Variants in SYT9 observed in about 807,000 individuals in gnomAD.
SYT9 encodes synaptotagmin 9.
In SYT9, 22 loss-of-function variants were observed where a neutral mutation model predicts 48.4. The observed-to-expected ratio is 0.45, with a 90% CI of 0.32 to 0.65. SYT9 has a LOEUF of 0.65. Ranked by LOEUF, SYT9 falls within the 30% of genes least tolerant of loss-of-function variation. SYT9 has a pLI of 0.03. For synonymous variants in SYT9, 265 were observed against 245.0 expected, an observed-to-expected ratio of 1.08 and a Z score of -0.76; for missense variants, 577 against 622.0, an observed-to-expected ratio of 0.93 and a Z score of 0.77.
At chr11:7,260,573 A>G (rs1000904919) in intron 1 of SYT9, among the ~76,000 whole-genome samples, 1 of 152,204 alleles carries the variant, frequency 6.6e-6, no homozygotes, top group Non-Finnish European at 1.5e-5. Flanking sequence ...TGAAAGAAGT[A>G]CAATTTATAT....
At position 7,359,688 on chromosome 11, in the gene SYT9, G is replaced by T. The variant is rs866579456; in HGVS notation, c.1044+45747G>T. On this transcript the variant is annotated intron_variant, in intron 3 of 6. Transcript: ENST00000318881. ...CTGTTCACGTCCTTCACCCACTTTT[G>T]GATGGGGTTGTTTGTTTTTTTCTTG... 7.3e-4 allele frequency among the ~76,000 whole-genome samples: 78 copies of T among 106,276 alleles called. 2 individuals are homozygous for T. Among genetic ancestry groups the T allele is most frequent in the African/African-American group, 1.8e-3 (59 of 33,510 alleles). The allele number at this position is 106,276 out of a possible 152,430, so 69.7% of individuals were successfully genotyped here.
chr11:7,458,635 G>A (rs1848192464), intron 6 of SYT9, among the ~76,000 whole-genome samples: 2 of 152,180 alleles, frequency 1.3e-5, no homozygotes, highest in Non-Finnish European at 2.9e-5. Flanking sequence ...ACTTGAAGGA[G>A]GTGAGGGAGC....
chr11:7,259,682 T>G (rs1045768915), intron 1 of SYT9, among the ~76,000 whole-genome samples: 1 of 152,152 alleles, frequency 6.6e-6, no homozygotes, highest in African/African-American at 2.4e-5. Context: ...CTTAAGTGAA[T>G]TTTTTGTGTT....
At chr11:7,353,899 A>G (rs1849966412) in intron 3 of SYT9, among the ~76,000 whole-genome samples, 1 of 152,228 alleles carries the variant, frequency 6.6e-6, no homozygotes, top group African/African-American at 2.4e-5. Flanking sequence ...AAAAACATAC[A>G]CAAAATTTTA....
intron 3 of SYT9, among the ~76,000 whole-genome samples, chr11:7,356,952 T>G (rs1238765178): frequency 6.6e-6 from 1 of 152,110 alleles, no homozygotes. Context: ...GATTGTTATT[T>G]AATTAAAATA....
At chr11:7,263,064 C>T (rs895410039) in intron 1 of SYT9, among the ~76,000 whole-genome samples, 2 of 152,030 alleles carry the variant, frequency 1.3e-5, no homozygotes, top group Admixed American at 6.6e-5. Context: ...GGGTACATTT[C>T]CCGAAAGTTC....
intron 3 of SYT9, among the ~76,000 whole-genome samples, chr11:7,397,349 G>A (rs1008639727): frequency 6.6e-6 from 1 of 152,070 alleles, no homozygotes; most frequent in Non-Finnish European, 1.5e-5. Flanking sequence ...GAGGGTTTAG[G>A]TATAGCCTCT....
intron 3 of SYT9, among the ~76,000 whole-genome samples, chr11:7,366,532 A>G (rs1008916956): frequency 1.1e-4 from 17 of 152,320 alleles, no homozygotes; most frequent in Non-Finnish European, 1.0e-4. Flanking sequence ...ATATTAATTA[A>G]TAGACATCCA....
chr11:7,419,603 AAT>A (rs1408886231), intron 5 of SYT9, among the ~76,000 whole-genome samples: 1 of 152,212 alleles, frequency 6.6e-6, no homozygotes, highest in African/African-American at 2.4e-5. Context: ...GAGTTTCAGA[AAT>A]ATTAGCCTTG....
At chr11:7,316,067 G>A (rs1335208305) in intron 3 of SYT9, among the ~76,000 whole-genome samples, 3 of 149,578 alleles carry the variant, frequency 2.0e-5, no homozygotes, top group Non-Finnish European at 4.5e-5. Context: ...GGGGTTGTGG[G>A]GTTTTTTTTT....
intron 3 of SYT9, among the ~76,000 whole-genome samples, chr11:7,332,238 C>A (rs1849548110): frequency 6.6e-6 from 1 of 152,182 alleles, no homozygotes; most frequent in Admixed American, 6.5e-5. Flanking sequence ...GGTATCCCAC[C>A]CTGAGACGAG....
At chr11:7,298,199 C>T (rs1848848571) in intron 1 of SYT9, among the ~76,000 whole-genome samples, 1 of 152,114 alleles carries the variant, frequency 6.6e-6, no homozygotes, top group African/African-American at 2.4e-5. Flanking sequence ...TCCCAAGTCT[C>T]TGTTTTGTTT....
chr11:7,397,962 T>G (rs558310108), intron 3 of SYT9, among the ~76,000 whole-genome samples: 34 of 152,342 alleles, frequency 2.2e-4, no homozygotes, highest in South Asian at 1.9e-3. Context: ...TGTATATGTC[T>G]TTTATTTCTA....
At chr11:7,353,437 G>A (rs1165506127) in intron 3 of SYT9, among the ~76,000 whole-genome samples, 6 of 152,148 alleles carry the variant, frequency 3.9e-5, no homozygotes, top group Non-Finnish European at 8.8e-5. Context: ...CCCCCTTGGC[G>A]AGACACCTTC....
At chr11:7,459,616 A>G (rs910099958) in intron 6 of SYT9, among the ~76,000 whole-genome samples, 8 of 152,184 alleles carry the variant, frequency 5.3e-5, no homozygotes, top group Admixed American at 2.6e-4. Flanking sequence ...TGTCCTCCCA[A>G]AATTTACATC....
At chr11:7,334,263 T>A (rs983784260) in intron 3 of SYT9, among the ~76,000 whole-genome samples, 5 of 152,038 alleles carry the variant, frequency 3.3e-5, no homozygotes, top group Middle Eastern at 3.2e-3. Flanking sequence ...CAAGAATAAG[T>A]CTTTGAGTCT....
At position 7,368,145 on chromosome 11, in the gene SYT9, G is replaced by A. The variant is rs191985635; in HGVS notation, c.1045-47897G>A. ...TCCATTTGGAATTAATTTGGTAAAA[G>A]TATAAGCTAATGATTTTAACTAATT... On this transcript the variant is annotated intron_variant, in intron 3 of 6. Coordinates refer to ENST00000318881, the MANE Select transcript of SYT9 (RefSeq NM_175733.4). 6.8e-4 allele frequency among the ~76,000 whole-genome samples: 103 copies of A among 152,306 alleles called. 1 individual carries two copies. Among genetic ancestry groups the A allele is most frequent in the Middle Eastern group, 6.8e-3 (2 of 294 alleles).
At chr11:7,291,049 G>A (rs1274028357) in intron 1 of SYT9, among the ~76,000 whole-genome samples, 1 of 152,192 alleles carries the variant, frequency 6.6e-6, no homozygotes, top group Non-Finnish European at 1.5e-5. Context: ...TTTAGTAGAG[G>A]GACACATGCA....
chr11:7,464,805 A>G (rs1039289350), intron 6 of SYT9, among the ~76,000 whole-genome samples: 1 of 152,102 alleles, frequency 6.6e-6, no homozygotes, highest in Admixed American at 6.5e-5. Flanking sequence ...ATTCGGGGCC[A>G]GGCGCGGTGG....
Sources: allele counts gnomAD v4.1 joint callset (sites outside exome capture counted in the v4.1 genomes callset), GRCh38; gene constraint gnomAD v4.1.1; transcripts MANE v1.5; gene names NCBI Gene and HGNC (gene_info 2026-07-23, HGNC 2026-07-21).